Variants in CADPS2 observed in about 807,000 individuals in gnomAD.
CADPS2 encodes calcium-dependent secretion activator 2.
In CADPS2, 93 loss-of-function variants were observed where a neutral mutation model predicts 172.5. The ratio of observed to expected loss-of-function variants is 0.54; its 90% CI spans 0.46 to 0.64. The LOEUF (loss-of-function observed/expected upper bound fraction) is 0.64, where lower values mean the gene tolerates loss of function less well. Ranked by LOEUF, CADPS2 falls within the 30% of genes least tolerant of loss-of-function variation. The pLI, the probability that CADPS2 is intolerant of heterozygous loss-of-function variation, is 0.00. For synonymous variants in CADPS2, 546 were observed against 555.2 expected, an observed-to-expected ratio of 0.98 and a Z score of 0.23; for missense variants, 1,420 against 1,565.9, an observed-to-expected ratio of 0.91 and a Z score of 1.57.
At chr7:122,482,458 C>G (rs2057403834) in intron 11 of CADPS2, among the ~76,000 whole-genome samples, 1 of 152,084 alleles carries the variant, frequency 6.6e-6, no homozygotes, top group Non-Finnish European at 1.5e-5. Context: ...TTATCTAGCC[C>G]AAAATGTCAA....
At chr7:122,322,267 A>G (rs1337114125) in intron 29 of CADPS2, among the ~76,000 whole-genome samples, 1 of 152,170 alleles carries the variant, frequency 6.6e-6, no homozygotes, top group African/African-American at 2.4e-5. Flanking sequence ...CTTTCCTTTG[A>G]CTTAGCTTAA....
chr7:122,645,380 T>G (rs1313066485), intron 3 of CADPS2, among the ~76,000 whole-genome samples: 1 of 74,282 alleles, frequency 1.3e-5, no homozygotes, highest in East Asian at 2.5e-4. Flanking sequence ...TACACACATA[T>G]GTACATGTGT....
intron 28 of CADPS2, among the ~76,000 whole-genome samples, chr7:122,344,058 A>C (rs973483952): frequency 2.0e-5 from 3 of 152,236 alleles, no homozygotes; most frequent in Non-Finnish European, 2.9e-5. Context: ...TAAAGCATGA[A>C]AGATAAAATT....
At chr7:122,526,334 GC>G (rs796216798) in intron 8 of CADPS2, among the ~76,000 whole-genome samples, 58 of 152,100 alleles carry the variant, frequency 3.8e-4, no homozygotes, top group African/African-American at 1.3e-3. Context: ...TGGGATTATA[GC>G]CATGCACCAC....
intron 7 of CADPS2, among the ~76,000 whole-genome samples, chr7:122,561,892 G>C (rs1188924216): frequency 6.6e-6 from 1 of 152,122 alleles, no homozygotes; most frequent in African/African-American, 2.4e-5. Flanking sequence ...TTGTTGGTTG[G>C]ATGATTGGCT....
chr7:122,781,588 C>T (rs1407663168), intron 1 of CADPS2, among the ~76,000 whole-genome samples: 1 of 152,106 alleles, frequency 6.6e-6, no homozygotes, highest in African/African-American at 2.4e-5. Context: ...TCCAGAGATA[C>T]AAATATGCAA....
intron 3 of CADPS2, among the ~76,000 whole-genome samples, chr7:122,629,952 C>T (rs1367034221): frequency 2.6e-5 from 4 of 152,058 alleles, no homozygotes; most frequent in Non-Finnish European, 4.4e-5. Context: ...TTTTAGAAAT[C>T]TCCCATTTAC....
chr7:122,475,492 A>G (rs1432579581), intron 12 of CADPS2, among the ~76,000 whole-genome samples: 1 of 152,198 alleles, frequency 6.6e-6, no homozygotes, highest in Non-Finnish European at 1.5e-5. Flanking sequence ...AGTTTGTAAA[A>G]CCTATGTAGT....
chr7:122,412,266 T>C (rs770115774), intron 19 of CADPS2, among the ~76,000 whole-genome samples: 2 of 152,330 alleles, frequency 1.3e-5, no homozygotes, highest in African/African-American at 2.4e-5. Flanking sequence ...GCTGAGACTA[T>C]TGTAATCTAG....
intron 1 of CADPS2, among the ~76,000 whole-genome samples, chr7:122,846,502 G>C (rs1812022568): frequency 6.6e-6 from 1 of 152,134 alleles, no homozygotes. Flanking sequence ...TGCCACCTCA[G>C]ATTATTTAAT....
At chr7:122,447,963 C>A (rs1377293869) in intron 15 of CADPS2, among the ~76,000 whole-genome samples, 2 of 151,912 alleles carry the variant, frequency 1.3e-5, no homozygotes, top group Admixed American at 1.3e-4. Flanking sequence ...CTAAAAATAT[C>A]ATTATTCTAC....
intron 28 of CADPS2, among the ~76,000 whole-genome samples, chr7:122,339,483 T>C (rs1257682002): frequency 5.3e-5 from 8 of 152,238 alleles, no homozygotes; most frequent in Non-Finnish European, 1.2e-4. Flanking sequence ...GAAATCAACA[T>C]TGTAATAAAC....
At chr7:122,653,670 AC>A (rs1428988665) in intron 3 of CADPS2, among the ~76,000 whole-genome samples, 3 of 152,138 alleles carry the variant, frequency 2.0e-5, no homozygotes, top group African/African-American at 7.2e-5. Flanking sequence ...TATTTTTCCA[AC>A]AGCATGTGCT....
At chr7:122,620,190 G>T (rs902171851) in intron 5 of CADPS2, among the ~76,000 whole-genome samples, 2 of 152,114 alleles carry the variant, frequency 1.3e-5, no homozygotes, top group African/African-American at 4.8e-5. Context: ...GGCAGCACTG[G>T]GAACCAGCAG....
chr7:122,645,681 A>ATATATCTC (rs796988558), intron 3 of CADPS2, among the ~76,000 whole-genome samples: 11,516 of 116,434 alleles, frequency 0.099, 748 homozygotes, highest in South Asian at 0.25. Flanking sequence ...ATATATATAT[A>ATATATCTC]TCTTGGGATT....
intron 8 of CADPS2, among the ~76,000 whole-genome samples, chr7:122,528,356 C>A (rs552815429): frequency 6.6e-6 from 1 of 152,250 alleles, no homozygotes; most frequent in South Asian, 2.1e-4. Context: ...ACTAGCTCTT[C>A]TTATTCATTA....
rs551953641 is a variant in CADPS2 at position 122,555,337 on chromosome 7, A to G, written c.1336-648T>C. 3.3e-5 allele frequency among the ~76,000 whole-genome samples: 5 copies of G among 152,206 alleles called. No individual in the cohort carries two copies. The East Asian group carries it at 9.6e-4, about 29-fold the overall frequency. On this transcript the variant is annotated intron_variant, in intron 7 of 29. Transcript: ENST00000449022. ...TCACAACCCTCACTTCACAGAATCA[A>G]CCCAGGAAAGACAAGCCTACTCTTC...
At chr7:122,779,046 GCACA>G (rs1381276200) in intron 1 of CADPS2, among the ~76,000 whole-genome samples, 1 of 152,168 alleles carries the variant, frequency 6.6e-6, no homozygotes, top group Non-Finnish European at 1.5e-5. Context: ...CAGTCCCTCT[GCACA>G]CACTCTCTTG....
intron 1 of CADPS2, among the ~76,000 whole-genome samples, chr7:122,846,591 G>A (rs2141013174): frequency 6.6e-6 from 1 of 152,278 alleles, no homozygotes; most frequent in African/African-American, 2.4e-5. Context: ...TTATAAAGCA[G>A]AAGACTATGT....
Sources: gnomAD v4.1 joint callset for allele counts (sites outside exome capture counted in the v4.1 genomes callset) on GRCh38, gnomAD v4.1.1 for gene constraint, MANE v1.5 for transcripts, NCBI Gene and HGNC (gene_info 2026-07-23, HGNC 2026-07-21) for gene names.